ST7: variants seen among roughly 807,000 people sequenced by gnomAD.
ST7 encodes suppression of tumorigenicity 7.
In ST7, 28 loss-of-function variants were observed where a neutral mutation model predicts 78.7. The ratio of observed to expected loss-of-function variants is 0.36; its 90% confidence interval spans 0.26 to 0.49. The LOEUF (loss-of-function observed/expected upper bound fraction) is 0.49. Among genes scored for constraint, ST7 ranks in the 20% least tolerant of loss-of-function variants. ST7 has a pLI of 0.99. For synonymous variants in ST7, 247 were observed against 249.6 expected, an observed-to-expected ratio of 0.99 and a Z score of 0.10; for missense variants, 418 against 696.0, an observed-to-expected ratio of 0.60 and a Z score of 4.49.
At chr7:117,124,030 A>T (rs562492330) in intron 3 of ST7, among the ~76,000 whole-genome samples, 1 of 152,068 alleles carries the variant, frequency 6.6e-6, no homozygotes, top group South Asian at 2.1e-4. Context: ...TAATAATTCT[A>T]TATAAATGTA....
chr7:117,135,587 G>A (rs1266318914), intron 7 of ST7, among the ~76,000 whole-genome samples: 1 of 152,022 alleles, frequency 6.6e-6, no homozygotes, highest in Non-Finnish European at 1.5e-5. Context: ...TCTGTGTTTA[G>A]TTAACAGAAG....
chr7:117,137,494 T>C (rs749656148), intron 8 of ST7, among the ~76,000 whole-genome samples: 3 of 152,160 alleles, frequency 2.0e-5, no homozygotes, highest in South Asian at 2.1e-4. Flanking sequence ...TCTTTTCTTC[T>C]CTAAATTAAA....
At chr7:117,068,886 T>C (rs1798775712) in intron 1 of ST7, among the ~76,000 whole-genome samples, 1 of 152,202 alleles carries the variant, frequency 6.6e-6, no homozygotes, top group Admixed American at 6.5e-5. Flanking sequence ...AGCGAGCAGC[T>C]GGGGAAAGAA....
chr7:116,984,729 C>T (rs1196969883), intron 1 of ST7, among the ~76,000 whole-genome samples: 2 of 152,178 alleles, frequency 1.3e-5, no homozygotes, highest in Non-Finnish European at 2.9e-5. Context: ...ATGCCCAACA[C>T]ATGTGCAGAG....
At chr7:117,035,441 G>T (rs115358514) in intron 1 of ST7, among the ~76,000 whole-genome samples, 1,564 of 152,114 alleles carry the variant, frequency 0.01, 37 homozygotes, top group African/African-American at 0.036. Context: ...TTTTTTTGAG[G>T]GGTGGCAGAC....
At chr7:117,101,125 T>G (rs1801538345) in intron 2 of ST7, among the ~76,000 whole-genome samples, 1 of 152,086 alleles carries the variant, frequency 6.6e-6, no homozygotes, top group Non-Finnish European at 1.5e-5. Context: ...GATGGCAGTG[T>G]GGGGAGGATC....
At chr7:116,996,188 T>C (rs1365673505) in intron 1 of ST7, among the ~76,000 whole-genome samples, 1 of 151,764 alleles carries the variant, frequency 6.6e-6, no homozygotes, top group African/African-American at 2.4e-5. Flanking sequence ...TTCAAGTGAT[T>C]CTCCTTCCTC....
rs1400647078 is a variant in ST7 at position 117,202,121 on chromosome 7, C to T, written c.1255-7666C>T. Reference sequence around the variant, plus strand: ...GACTACAGGCGCCCGCCACTAAGCCCGGCTAATTTTTTTTGTATTTTTAGT... The same window carrying T: ...GACTACAGGCGCCCGCCACTAAGCCTGGCTAATTTTTTTTGTATTTTTAGT... On this transcript the variant is annotated intron_variant, in intron 12 of 15. Coordinates refer to ENST00000323984, the MANE Select transcript of ST7 (RefSeq NM_001369598.1). Among the ~76,000 whole-genome samples the T allele has an allele frequency of 2.5e-5, 2 of 80,734 alleles. 1 individual carries two copies. The highest frequency in any genetic ancestry group is 5.4e-5 in the Non-Finnish European group (2 of 37,252). 53.0% of individuals were successfully genotyped at this position (80,734 alleles called of 152,430 possible). A position where few individuals can be genotyped will look rare whatever the true frequency, so the allele number is the denominator to read the frequency against.
intron 1 of ST7, among the ~76,000 whole-genome samples, chr7:116,998,690 TAC>T (rs1794792958): frequency 6.6e-6 from 1 of 152,400 alleles, no homozygotes; most frequent in South Asian, 2.1e-4. Flanking sequence ...TTCCAGGACA[TAC>T]TGTCCTCATG....
intron 15 of ST7, chr7:117,223,187 C>G: frequency 5.2e-6 from 3 of 576,452 alleles, no homozygotes; most frequent in Non-Finnish European, 9.3e-6. Flanking sequence ...TGTGATTCAC[C>G]TCTTCTTTCC....
chr7:117,049,114 C>T (rs1213958799), intron 1 of ST7, among the ~76,000 whole-genome samples: 1 of 152,164 alleles, frequency 6.6e-6, no homozygotes, highest in Non-Finnish European at 1.5e-5. Flanking sequence ...TATCTTTTCC[C>T]TTCAGGGCTT....
At chr7:116,979,643 C>G (rs1404280395) in intron 1 of ST7, among the ~76,000 whole-genome samples, 1 of 152,108 alleles carries the variant, frequency 6.6e-6, no homozygotes, top group Non-Finnish European at 1.5e-5. Context: ...CTACTTCTGC[C>G]TTTATTTCAA....
chr7:117,210,519 T>A (rs1474352725), intron 13 of ST7, among the ~76,000 whole-genome samples: 1 of 152,186 alleles, frequency 6.6e-6, no homozygotes, highest in African/African-American at 2.4e-5. Context: ...TTATTCCATG[T>A]AAGGAGAATA....
At chr7:117,211,427 A>G (rs62469376) in intron 13 of ST7, among the ~76,000 whole-genome samples, 11,455 of 152,260 alleles carry the variant, frequency 0.075, 604 homozygotes, top group Middle Eastern at 0.14. Flanking sequence ...AGGAAACACA[A>G]TACATGTTTA....
intron 1 of ST7, among the ~76,000 whole-genome samples, chr7:117,030,982 T>C (rs1252319372): frequency 6.6e-6 from 1 of 152,118 alleles, no homozygotes. Flanking sequence ...GTGGTACATA[T>C]ACACCATGGA....
chr7:117,147,770 G>A lies in ST7; in HGVS notation c.963+9238G>A, dbSNP rs146865116. Among the ~76,000 whole-genome samples, 236 of 151,650 alleles carry A rather than the reference G, an allele frequency of 1.6e-3. 2 individuals carry two copies. The highest frequency in any genetic ancestry group is 5.5e-3 in the African/African-American group (228 of 41,378). The stretch of plus-strand genomic sequence containing the variant: ...TTCTCCCCCTCTATCCTCTGTGTTT[G>A]TTGCCTTTTTACCATTTGATCCTAA... On this transcript the variant is annotated intron_variant, in intron 9 of 15. Coordinates refer to ENST00000323984, the MANE Select transcript of ST7 (RefSeq NM_001369598.1).
intron 13 of ST7, among the ~76,000 whole-genome samples, chr7:117,218,725 A>G (rs946135729): frequency 1.3e-5 from 2 of 152,166 alleles, no homozygotes; most frequent in African/African-American, 4.8e-5. Flanking sequence ...ATTTTAATCC[A>G]CGTTTGCATG....
At chr7:117,191,629 T>G (rs963464259) in intron 12 of ST7, 1 of 152,240 alleles carries the variant, frequency 6.6e-6, no homozygotes, top group Non-Finnish European at 1.5e-5. Context: ...CTCCCTGCTC[T>G]TTTAGTATCT....
chr7:117,003,524 C>G (rs2116459057), intron 1 of ST7, among the ~76,000 whole-genome samples: 1 of 152,208 alleles, frequency 6.6e-6, no homozygotes, highest in East Asian at 1.9e-4. Flanking sequence ...TCTTGAACTC[C>G]TGACCTCAGG....
Sources: allele counts gnomAD v4.1 joint callset (sites outside exome capture counted in the v4.1 genomes callset), GRCh38; gene constraint gnomAD v4.1.1; transcripts MANE v1.5; gene names NCBI Gene and HGNC (gene_info 2026-07-23, HGNC 2026-07-21).